FANCI: variants seen among roughly 807,000 people sequenced by gnomAD.
FANCI encodes the protein Fanconi anemia group I protein.
Under a neutral mutation model 176.1 loss-of-function variants are expected in FANCI, and 156 were observed. The ratio of observed to expected loss-of-function variants is 0.89; its 90% CI spans 0.78 to 1.01. The LOEUF (loss-of-function observed/expected upper bound fraction) is 1.01. Ranked by LOEUF, FANCI falls within the 50% of genes least tolerant of loss-of-function variation. FANCI has a pLI of 0.00. For synonymous variants in FANCI, 613 were observed against 541.7 expected (o/e 1.13, Z -1.83); for missense variants, 1,678 against 1,534.1 (o/e 1.09, Z -1.57).
At chr15:89,314,734 C>T (rs1379841914) in intron 36 of FANCI, 27 bp downstream of exon 36, 2 of 1,518,670 alleles carry the variant, frequency 1.3e-6, no homozygotes, top group African/African-American at 1.4e-5. Context: ...TATGTGCTAC[C>T]ATTCCCATTT....
intron 1 of FANCI, among the ~76,000 whole-genome samples, chr15:89,244,719 ACT>A (rs1453090020): frequency 1.3e-5 from 2 of 152,080 alleles, no homozygotes; most frequent in Non-Finnish European, 2.9e-5. Context: ...AGCTGGACAG[ACT>A]CGGGTTTCAC....
intron 14 of FANCI, among the ~76,000 whole-genome samples, chr15:89,280,858 A>T (rs2151544576): frequency 6.6e-6 from 1 of 152,334 alleles, no homozygotes; most frequent in East Asian, 1.9e-4. Flanking sequence ...AGAAATATTT[A>T]TTGATTTATT....
chr15:89,263,658 CTT>C (rs2052813995), intron 7 of FANCI, among the ~76,000 whole-genome samples, 198 bp downstream of exon 7: 1 of 152,272 alleles, frequency 6.6e-6, no homozygotes, highest in Middle Eastern at 3.4e-3. Context: ...TAAAACATAA[CTT>C]TATTTTTTTT....
chr15:89,246,100 C>T (rs2051956312), intron 1 of FANCI, among the ~76,000 whole-genome samples: 2 of 152,080 alleles, frequency 1.3e-5, no homozygotes, highest in Admixed American at 1.3e-4. Context: ...ATGATGGTAC[C>T]ATTTATGGAG....
chr15:89,289,570 T>C (rs2053977860), intron 18 of FANCI, among the ~76,000 whole-genome samples: 1 of 152,028 alleles, frequency 6.6e-6, no homozygotes, highest in Non-Finnish European at 1.5e-5. Flanking sequence ...CCTTCCAAAG[T>C]GCTGGGATTA....
At position 89,306,150 on chromosome 15, in the gene FANCI, G is replaced by C. The variant is rs1362336885; in HGVS notation, c.3493G>C (p.Asp1165His). The change falls in exon 32 of 38, where the codon GAC becomes CAC. Residue 1165 changes from aspartate (D) to histidine (H), a missense_variant. This residue lies in a region of FANCI where 1,204 missense variants were observed against 1,077.4 expected (regional missense o/e 1.12). Transcript: ENST00000310775. ...CAGCTGTGTGGACACCTTGTTAAAG[G>C]ACTTGTGCAAAATGTACACCACACT... ...SGSCVDTLLK[D>H]LCKMYTTLTA... The C allele has an allele frequency of 6.2e-7, 1 of 1,614,034 alleles. No individual in the cohort carries two copies. The highest frequency in any genetic ancestry group is 1.1e-5 in the South Asian group (1 of 91,084).
In FANCI at chr15:89,292,878, C is replaced by A; in HGVS notation, c.2169+14C>A. On this transcript the variant is annotated intron_variant, in intron 21 of 37. Coordinates refer to ENST00000310775, the MANE Select transcript of FANCI (RefSeq NM_001113378.2). ...GACTTTGAACTGGTAATTGCTAAGT[C>A]CTCAGCTGTATTGAATGATGGAGTT... 1 of 1,614,000 alleles carries A rather than the reference C, an allele frequency of 6.2e-7. No homozygotes were observed. The highest frequency in any genetic ancestry group is 8.5e-7 in the Non-Finnish European group (1 of 1,179,992).
Position 89,315,280 on chromosome 15 carries a change from A to G in FANCI, c.3817-2A>G. The G allele has an allele frequency of 1.2e-6, 2 of 1,609,634 alleles. No homozygotes were observed. Among genetic ancestry groups the G allele is most frequent in the South Asian group, 2.2e-5 (2 of 91,004 alleles). On this transcript the variant is annotated splice_acceptor_variant, in intron 36 of 37. Transcript: ENST00000310775. LOFTEE classifies it high-confidence loss of function. Reference sequence around the variant, plus strand: ...TGTCCCATGCTTACAATCTTGTCATAGGTGAACCTGATGCAGCACATGAAG... The same window carrying G: ...TGTCCCATGCTTACAATCTTGTCATGGGTGAACCTGATGCAGCACATGAAG...
chr15:89,274,219 C>T lies in FANCI; in HGVS notation c.1027C>T (p.Leu343Phe). 6.2e-7 allele frequency: 1 copy of T among 1,606,582 alleles called. No individual in the cohort carries two copies. Among genetic ancestry groups the T allele is most frequent in the Non-Finnish European group, 8.5e-7 (1 of 1,175,868 alleles). ...SVVKSFKDLQ[L>F]LQGSKFLQNL... Reference sequence around the variant, plus strand: ...TGTAAAGAGCTTTAAGGATCTTCAACTCCTCCAAGGCTCAAAATTTCTTCA... The same window carrying T: ...TGTAAAGAGCTTTAAGGATCTTCAATTCCTCCAAGGCTCAAAATTTCTTCA... The change falls in exon 12 of 38, where the codon CTC becomes TTC. Residue 343 changes from leucine to phenylalanine, a missense_variant. Transcript: ENST00000310775.
intron 23 of FANCI, 102 bp downstream of exon 23, chr15:89,294,099 A>G: frequency 7.6e-7 from 1 of 1,313,782 alleles, no homozygotes; most frequent in Non-Finnish European, 1.1e-6. Context: ...ACAGTAAGAA[A>G]TAAGTCAGGA....
At chr15:89,313,795 A>G (rs2055061123) in intron 35 of FANCI, among the ~76,000 whole-genome samples, 1 of 152,154 alleles carries the variant, frequency 6.6e-6, no homozygotes, top group Non-Finnish European at 1.5e-5. Flanking sequence ...ATATATTTAT[A>G]CTGGAGAGAT....
chr15:89,287,542 A>G (rs1036602823), intron 18 of FANCI, among the ~76,000 whole-genome samples: 2 of 152,092 alleles, frequency 1.3e-5, no homozygotes, highest in African/African-American at 4.8e-5. Flanking sequence ...AGCACTTTAA[A>G]TTTCCTTTAA....
At chr15:89,298,280 A>T (rs1406958570) in intron 24 of FANCI, among the ~76,000 whole-genome samples, 1 of 152,172 alleles carries the variant, frequency 6.6e-6, no homozygotes, top group African/African-American at 2.4e-5. Flanking sequence ...TCAGCAAATT[A>T]AAAAAAAGTA....
chr15:89,247,775 A>G (rs2052053541), intron 2 of FANCI, 44 bp downstream of exon 2: 3 of 1,522,624 alleles, frequency 2.0e-6, no homozygotes, highest in South Asian at 1.1e-5. Context: ...AATGTCAGGC[A>G]TGATGACACA....
chr15:89,259,027 A>G (rs2052611574), intron 3 of FANCI: 1 of 460,792 alleles, frequency 2.2e-6, no homozygotes, highest in Non-Finnish European at 4.0e-6. Context: ...TGCTTTTCGT[A>G]AAATCTGCTT....
At chr15:89,310,410 C>T (rs1354356938) in intron 34 of FANCI, among the ~76,000 whole-genome samples, 1 of 152,118 alleles carries the variant, frequency 6.6e-6, no homozygotes, top group African/African-American at 2.4e-5. Flanking sequence ...TGTTTCTGAC[C>T]CCATTTTCAA....
At chr15:89,305,450 T>G in intron 30 of FANCI, 41 bp downstream of exon 30, 4 of 1,612,524 alleles carry the variant, frequency 2.5e-6, no homozygotes, top group Non-Finnish European at 3.4e-6. Context: ...GCTTTGTCAT[T>G]CTTTCCATTC....
intron 27 of FANCI, among the ~76,000 whole-genome samples, chr15:89,303,603 G>A (rs2054603636): frequency 6.6e-6 from 1 of 152,236 alleles, no homozygotes; most frequent in South Asian, 2.1e-4. Flanking sequence ...AGCAGAGGAA[G>A]TTCAGGTGTA....
At chr15:89,301,219 T>A in intron 26 of FANCI, 107 bp from the exon 27 acceptor site, 1 of 811,466 alleles carries the variant, frequency 1.2e-6, no homozygotes. Context: ...TTTGGTAGCT[T>A]TGAATTCTTT....
Sources: gnomAD v4.1 joint callset for allele counts (sites outside exome capture counted in the v4.1 genomes callset) on GRCh38, gnomAD v4.1.1 for gene constraint, gnomAD v4.1.1 regional missense constraint, MANE v1.5 for transcripts, NCBI Gene and HGNC (gene_info 2026-07-23, HGNC 2026-07-21) for gene names.